TMEFF2: variants seen among roughly 807,000 people sequenced by gnomAD.
The protein encoded by TMEFF2 is tomoregulin-2.
Under a neutral mutation model 53.8 loss-of-function variants are expected in TMEFF2, and 28 were observed. The ratio of observed to expected loss-of-function variants is 0.52; its 90% CI spans 0.39 to 0.71. The LOEUF (loss-of-function observed/expected upper bound fraction) is 0.71, where lower values mean the gene tolerates loss of function less well. Ranked by LOEUF, TMEFF2 falls within the 30% of genes least tolerant of loss-of-function variation. The probability of loss-of-function intolerance (pLI) is 0.00; values close to 1 mark genes in which losing one functional copy is unlikely to be tolerated. For missense variants in TMEFF2, 353 were observed against 455.2 expected (o/e 0.78, Z 2.04); for synonymous variants, 162 against 166.3 (o/e 0.97, Z 0.20).
intron 2 of TMEFF2, 122 bp from the exon 3 acceptor site, chr2:192,184,605 G>A: frequency 3.9e-6 from 5 of 1,286,102 alleles, no homozygotes; most frequent in Non-Finnish European, 5.3e-6. Flanking sequence ...GATTCTAATT[G>A]TGTCCAATAA....
chr2:192,184,328 G>C (rs754338957), intron 3 of TMEFF2, 26 bp downstream of exon 3: 1 of 1,610,596 alleles, frequency 6.2e-7, no homozygotes, highest in Admixed American at 1.7e-5. Flanking sequence ...CCATGCAGAA[G>C]GTTTCAAAGA....
At chr2:192,040,957 T>C (rs898886463) in intron 5 of TMEFF2, among the ~76,000 whole-genome samples, 3 of 152,092 alleles carry the variant, frequency 2.0e-5, no homozygotes, top group Non-Finnish European at 4.4e-5. Context: ...CCTCACTCCA[T>C]CTGCAAAAAA....
At position 192,194,479 on chromosome 2, in the gene TMEFF2, A is replaced by G. The variant is rs767705460; in HGVS notation, c.46T>C (p.Cys16Arg). Residue 16 changes from cysteine to arginine, a missense_variant, in exon 1 of 10, where the codon TGC becomes CGC. Cys to Arg is a radical substitution (Grantham distance 180). Coordinates refer to ENST00000272771, the MANE Select transcript of TMEFF2 (RefSeq NM_016192.4). This position sits in a 1 kb window ranked among gnomAD's most constrained non-coding sequence, Gnocchi z 4.2. ...SPRQCSSWTLCEGFCWLLLLP... is the reference protein window; with the variant it reads ...SPRQCSSWTLREGFCWLLLLP... Reference sequence around the variant, plus strand: ...AGCAGCAGCCAGCAAAAGCCCTCGCAAAGTGTCCAGCTGCTGCACTGCCGC... The same window carrying G: ...AGCAGCAGCCAGCAAAAGCCCTCGCGAAGTGTCCAGCTGCTGCACTGCCGC... 1.9e-6 allele frequency: 3 copies of G among 1,614,086 alleles called. No homozygotes were observed. The highest frequency in any genetic ancestry group is 2.5e-6 in the Non-Finnish European group (3 of 1,180,030).
chr2:191,959,913 A>AT (rs1692223024), intron 7 of TMEFF2, among the ~76,000 whole-genome samples: 2 of 152,114 alleles, frequency 1.3e-5, no homozygotes, highest in African/African-American at 4.8e-5. Flanking sequence ...GTCTTACTCT[A>AT]TTACCCAGGA....
intron 4 of TMEFF2, among the ~76,000 whole-genome samples, chr2:192,058,587 A>G (rs1687969860): frequency 6.6e-6 from 1 of 152,158 alleles, no homozygotes; most frequent in African/African-American, 2.4e-5. Context: ...TTGAGAAAAA[A>G]TTTCTAGTAT....
intron 7 of TMEFF2, among the ~76,000 whole-genome samples, chr2:191,969,141 A>ATATGTGTGTG (rs1553508554): frequency 0.011 from 1,711 of 150,306 alleles, 29 homozygotes; most frequent in African/African-American, 0.04. Context: ...GTGTGTATCT[A>ATATGTGTGTG]TGTGTGTGTG....
intron 5 of TMEFF2, among the ~76,000 whole-genome samples, chr2:192,049,507 C>CA (rs1687711615): frequency 6.6e-6 from 1 of 152,102 alleles, no homozygotes; most frequent in African/African-American, 2.4e-5. Context: ...TGGGATGTTA[C>CA]ACTGGGACAT....
At chr2:192,131,497 C>T (rs1177830462) in intron 4 of TMEFF2, among the ~76,000 whole-genome samples, 1 of 152,124 alleles carries the variant, frequency 6.6e-6, no homozygotes, top group Admixed American at 6.6e-5. Flanking sequence ...CAAGAACCCC[C>T]AATCCCTTAT....
Position 192,037,273 on chromosome 2 carries a change from T to TAAAGAAGGAAAGAAAGAAAG in TMEFF2, c.536+20405_536+20406insCTTTCTTTCTTTCCTTCTTT. ...AATGCACTTCTAAGACTAGCCAAAATAAAGAAAGAAAGAAAGAAAGAAAGA... is the reference window on the plus strand; with the variant it reads ...AATGCACTTCTAAGACTAGCCAAAATAAAGAAGGAAAGAAAGAAAGAAAGAAAGAAAGAAAGAAAGAAAGA... On this transcript the variant is annotated intron_variant, in intron 5 of 9. Coordinates refer to ENST00000272771, the MANE Select transcript of TMEFF2 (RefSeq NM_016192.4). Among the ~76,000 whole-genome samples, 6 of 94,764 alleles carry TAAAGAAGGAAAGAAAGAAAG rather than the reference T, an allele frequency of 6.3e-5. 2 individuals carry two copies. The Admixed American group carries it at 7.7e-4, about 12-fold the overall frequency. 62.2% of individuals were successfully genotyped at this position (94,764 alleles called of 152,430 possible).
intron 4 of TMEFF2, among the ~76,000 whole-genome samples, chr2:192,074,077 TA>T (rs1688353870): frequency 6.6e-6 from 1 of 151,986 alleles, no homozygotes; most frequent in African/African-American, 2.4e-5. Context: ...ATAAATCAAA[TA>T]GTCAGATGAC....
At chr2:191,951,469 GAAGA>G (rs901302667) in intron 9 of TMEFF2, among the ~76,000 whole-genome samples, 7 of 144,870 alleles carry the variant, frequency 4.8e-5, no homozygotes, top group African/African-American at 1.5e-4. Flanking sequence ...AGAAGAGATA[GAAGA>G]GAGATGTAGA....
chr2:192,075,285 T>TTATATATATATATATATAAATATATATA lies in TMEFF2; in HGVS notation c.440-17511_440-17510insTATATATATTTATATATATATATATATA, dbSNP rs59510075. ...TTATTATACCCAGAGTACAGTACTATTATATATATATATATATATATATAT... is the reference window on the plus strand; with the variant it reads ...TTATTATACCCAGAGTACAGTACTATTATATATATATATATATAAATATATATATATATATATATATATATATATATAT... On this transcript the variant is annotated intron_variant, in intron 4 of 9. Coordinates refer to ENST00000272771, the MANE Select transcript of TMEFF2 (RefSeq NM_016192.4). 1.4e-3 allele frequency among the ~76,000 whole-genome samples: 91 copies of TTATATATATATATATATAAATATATATA among 65,746 alleles called. 3 individuals are homozygous for TTATATATATATATATATAAATATATATA. The highest frequency in any genetic ancestry group is 4.3e-3 in the East Asian group (2 of 470). 43.1% of individuals were successfully genotyped at this position (65,746 alleles called of 152,430 possible). A position where few individuals can be genotyped will look rare whatever the true frequency, so the allele number is the denominator to read the frequency against.
intron 4 of TMEFF2, among the ~76,000 whole-genome samples, chr2:192,118,874 T>G (rs1342588881): frequency 6.6e-6 from 1 of 152,172 alleles, no homozygotes; most frequent in Non-Finnish European, 1.5e-5. Context: ...ATACATATTT[T>G]AAATATATAC....
At chr2:192,096,355 T>C (rs1347698112) in intron 4 of TMEFF2, among the ~76,000 whole-genome samples, 1 of 152,116 alleles carries the variant, frequency 6.6e-6, no homozygotes, top group Non-Finnish European at 1.5e-5. Flanking sequence ...CTAGATTAAT[T>C]TTTAGTGATT....
intron 4 of TMEFF2, among the ~76,000 whole-genome samples, chr2:192,067,664 G>T (rs1260317659): frequency 6.6e-6 from 1 of 151,722 alleles, no homozygotes; most frequent in Non-Finnish European, 1.5e-5. Context: ...TTAGCAAATG[G>T]CATTTGGTTT....
intron 5 of TMEFF2, among the ~76,000 whole-genome samples, chr2:192,024,447 TA>T (rs1384101176): frequency 2.6e-5 from 4 of 152,234 alleles, no homozygotes; most frequent in African/African-American, 9.6e-5. Flanking sequence ...TAGCATGGTA[TA>T]GAATAGAGCT....
intron 4 of TMEFF2, among the ~76,000 whole-genome samples, chr2:192,062,624 A>G (rs1455425809): frequency 6.6e-6 from 1 of 152,116 alleles, no homozygotes; most frequent in African/African-American, 2.4e-5. Flanking sequence ...TATTTTGGGT[A>G]CAAATCTGTT....
rs372713416 is a variant in TMEFF2 at position 192,134,195 on chromosome 2, T to C, written c.439+45473A>G. 5.7e-3 allele frequency among the ~76,000 whole-genome samples: 861 copies of C among 152,254 alleles called. 6 individuals carry two copies. The highest frequency in any genetic ancestry group is 0.017 in the South Asian group (82 of 4,816). ...CCTGACGCATATACTTTCTGCTCCC[T>C]GGCTCCTTCAGCTGTACTCACTCTT... On this transcript the variant is annotated intron_variant, in intron 4 of 9. Coordinates refer to ENST00000272771, the MANE Select transcript of TMEFF2 (RefSeq NM_016192.4).
intron 5 of TMEFF2, among the ~76,000 whole-genome samples, chr2:192,005,263 A>G (rs564520122): frequency 1.3e-5 from 2 of 152,178 alleles, no homozygotes; most frequent in African/African-American, 2.4e-5. Context: ...ATTTGTAACT[A>G]TCTCATCAAT....
Sources: gnomAD v4.1 joint callset for allele counts (sites outside exome capture counted in the v4.1 genomes callset) on GRCh38, gnomAD v4.1.1 for gene constraint, Gnocchi (gnomAD v3.1) non-coding constraint, MANE v1.5 for transcripts, NCBI Gene and HGNC (gene_info 2026-07-23, HGNC 2026-07-21) for gene names.